Variants in PCDH9 observed in about 807,000 individuals in gnomAD.
PCDH9 encodes protocadherin-9.
PCDH9 carries 24 observed loss-of-function variants against 70.6 expected under a neutral mutation model. The ratio of observed to expected loss-of-function variants is 0.34; its 90% confidence interval spans 0.25 to 0.48. PCDH9 has a LOEUF of 0.48. Ranked by LOEUF, PCDH9 falls within the 20% of genes least tolerant of loss-of-function variation. PCDH9 has a pLI of 0.99. For synonymous variants in PCDH9, 562 were observed against 558.5 expected, an observed-to-expected ratio of 1.01 and a Z score of -0.09; for missense variants, 1,281 against 1,503.6, an observed-to-expected ratio of 0.85 and a Z score of 2.45.
At chr13:66,839,629 ACT>A (rs1360159604) in intron 3 of PCDH9, among the ~76,000 whole-genome samples, 6 of 152,178 alleles carry the variant, frequency 3.9e-5, no homozygotes, top group Non-Finnish European at 7.3e-5. Flanking sequence ...TTTCAGATGT[ACT>A]TACTATCATA....
chr13:66,816,603 G>A (rs2080609731), intron 3 of PCDH9, among the ~76,000 whole-genome samples: 1 of 152,002 alleles, frequency 6.6e-6, no homozygotes, highest in Admixed American at 6.6e-5. Context: ...TCCTCTTTTG[G>A]TATTTCAAAA....
chr13:66,512,815 TTTTTGTTTTGTTTTG>T (rs749756361), intron 4 of PCDH9, among the ~76,000 whole-genome samples: 2 of 152,064 alleles, frequency 1.3e-5, no homozygotes, highest in African/African-American at 4.8e-5. Context: ...TTTCTTTCTT[TTTTTGTTTTGTTTTG>T]TTTTGTTTTG....
At chr13:67,223,423 GAA>G (rs1320470395) in intron 2 of PCDH9, 1 of 152,036 alleles carries the variant, frequency 6.6e-6, no homozygotes, top group Non-Finnish European at 1.5e-5. Flanking sequence ...TCTTTGGAAA[GAA>G]AATGTCAGAT....
intron 4 of PCDH9, among the ~76,000 whole-genome samples, chr13:66,325,127 G>A (rs6562448): frequency 0.026 from 4,000 of 151,982 alleles, 228 homozygotes; most frequent in African/African-American, 0.092. Flanking sequence ...CTCAAATTCT[G>A]GACAACAAAA....
chr13:66,394,815 C>T (rs2138277717), intron 4 of PCDH9, among the ~76,000 whole-genome samples: 1 of 152,264 alleles, frequency 6.6e-6, no homozygotes, highest in South Asian at 2.1e-4. Context: ...ATTAAAAGTA[C>T]AACTATGCAC....
At chr13:67,025,083 G>T (rs2084753481) in intron 2 of PCDH9, among the ~76,000 whole-genome samples, 1 of 152,094 alleles carries the variant, frequency 6.6e-6, no homozygotes. Flanking sequence ...TTTATAAATT[G>T]GGAGCTACAC....
chr13:66,980,735 T>TTTTTTG (rs1555293460), intron 2 of PCDH9, among the ~76,000 whole-genome samples: 1 of 139,060 alleles, frequency 7.2e-6, no homozygotes, highest in East Asian at 2.0e-4. Flanking sequence ...TCTTTGTTTT[T>TTTTTTG]TTTTTTGTTT....
intron 3 of PCDH9, among the ~76,000 whole-genome samples, chr13:66,687,454 T>A (rs1284882466): frequency 6.6e-6 from 1 of 152,158 alleles, no homozygotes; most frequent in African/African-American, 2.4e-5. Context: ...CATGACTTTG[T>A]ATGTTCTCAG....
intron 2 of PCDH9, among the ~76,000 whole-genome samples, chr13:66,946,156 G>C (rs2083084543): frequency 6.6e-6 from 1 of 151,824 alleles, no homozygotes. Context: ...CATGCCATTA[G>C]CCTATTTTTA....
chr13:66,505,557 A>C (rs1189680257), intron 4 of PCDH9, among the ~76,000 whole-genome samples: 1 of 151,548 alleles, frequency 6.6e-6, no homozygotes, highest in Non-Finnish European at 1.5e-5. Flanking sequence ...TCACAGTTCC[A>C]TATGGTTGAG....
rs75591321 is a variant in PCDH9 at position 67,126,992 on chromosome 13, T to C, written c.3036+98413A>G. On this transcript the variant is annotated intron_variant, in intron 2 of 4. Coordinates refer to ENST00000377865, the MANE Select transcript of PCDH9 (RefSeq NM_203487.3). ...TCATTTTCATGGCAATCAAAATTTC[T>C]GTTCCCTTAAGTCAATTGATCTTTA... Among the ~76,000 whole-genome samples the C allele has an allele frequency of 4.5e-4, 69 of 152,352 alleles. 1 individual carries two copies. The East Asian group carries it at 0.013, about 28-fold the overall frequency.
intron 2 of PCDH9, among the ~76,000 whole-genome samples, chr13:67,041,543 T>A (rs2085113894): frequency 6.6e-6 from 1 of 151,466 alleles, no homozygotes; most frequent in Non-Finnish European, 1.5e-5. Context: ...AGACTGTACC[T>A]GTCTATGGCC....
At chr13:66,602,440 G>A (rs766254972) in intron 4 of PCDH9, among the ~76,000 whole-genome samples, 2 of 145,128 alleles carry the variant, frequency 1.4e-5, no homozygotes, top group African/African-American at 5.0e-5. Flanking sequence ...GATCTTGACC[G>A]TGCATAGGCC....
intron 3 of PCDH9, among the ~76,000 whole-genome samples, chr13:66,888,473 A>T (rs1315382056): frequency 2.0e-5 from 3 of 152,056 alleles, no homozygotes. Context: ...ACGTCACTGC[A>T]CTCCAGCCTG....
At chr13:66,741,979 T>C (rs2079271909) in intron 3 of PCDH9, among the ~76,000 whole-genome samples, 1 of 148,600 alleles carries the variant, frequency 6.7e-6, no homozygotes, top group African/African-American at 2.5e-5. Flanking sequence ...CTTCACAGAA[T>C]TGGAAAAAAC....
chr13:66,853,154 G>C (rs953168988), intron 3 of PCDH9, among the ~76,000 whole-genome samples: 1 of 150,328 alleles, frequency 6.7e-6, no homozygotes, highest in Non-Finnish European at 1.5e-5. Flanking sequence ...AACAACAAAT[G>C]GTGGTTATAA....
chr13:67,131,134 T>A (rs952345838), intron 2 of PCDH9, among the ~76,000 whole-genome samples: 2 of 152,182 alleles, frequency 1.3e-5, no homozygotes, highest in Admixed American at 1.3e-4. Context: ...TGGTGCATGT[T>A]TACTTTACTT....
chr13:67,072,754 G>A (rs575180315), intron 2 of PCDH9, among the ~76,000 whole-genome samples: 2 of 151,754 alleles, frequency 1.3e-5, no homozygotes, highest in Admixed American at 6.6e-5. Context: ...GAGGCATTAC[G>A]GTAAATATTT....
At chr13:67,152,339 C>T (rs1229108173) in intron 2 of PCDH9, among the ~76,000 whole-genome samples, 3 of 152,182 alleles carry the variant, frequency 2.0e-5, no homozygotes, top group Admixed American at 2.0e-4. Context: ...CCTAAGGCCT[C>T]TCTGTACAGC....
Sources: gnomAD v4.1 joint callset for allele counts (sites outside exome capture counted in the v4.1 genomes callset) on GRCh38, gnomAD v4.1.1 for gene constraint, MANE v1.5 for transcripts, NCBI Gene and HGNC (gene_info 2026-07-23, HGNC 2026-07-21) for gene names.